Variants in ACOT7 observed in about 807,000 individuals in gnomAD.
ACOT7 encodes acyl-CoA thioesterase 7.
ACOT7 carries 12 observed loss-of-function variants against 40.2 expected under a neutral mutation model. The ratio of observed to expected loss-of-function variants is 0.30; its 90% CI spans 0.19 to 0.48. The LOEUF is 0.48. Ranked by LOEUF, ACOT7 falls within the 20% of genes least tolerant of loss-of-function variation. The pLI, the probability that ACOT7 is intolerant of heterozygous loss-of-function variation, is 0.99. For synonymous variants in ACOT7, 228 were observed against 219.5 expected, an observed-to-expected ratio of 1.04 and a Z score of -0.34; for missense variants, 395 against 530.8, an observed-to-expected ratio of 0.74 and a Z score of 2.51.
intron 3 of ACOT7, among the ~76,000 whole-genome samples, chr1:6,335,808 A>G (rs899907010): frequency 3.3e-5 from 5 of 152,230 alleles, no homozygotes; most frequent in African/African-American, 7.2e-5. Context: ...CTTGGGAACC[A>G]CAGGCAAATA....
At chr1:6,290,156 G>A (rs1387821516) in intron 7 of ACOT7, among the ~76,000 whole-genome samples, 1 of 152,206 alleles carries the variant, frequency 6.6e-6, no homozygotes, top group Non-Finnish European at 1.5e-5. Context: ...AATGTGGGTG[G>A]CCTCAGACGC....
At chr1:6,385,881 T>G in intron 1 of ACOT7, 5 of 1,343,104 alleles carry the variant, frequency 3.7e-6, no homozygotes, top group East Asian at 2.6e-5. Flanking sequence ...GGATGTTCTC[T>G]ACAAAAGACC....
chr1:6,339,739 G>GTTTT lies in ACOT7; in HGVS notation c.262-154_262-151dup, dbSNP rs57275707. The GTTTT allele has an allele frequency of 2.2e-3, 1,146 of 525,578 alleles. 11 individuals are homozygous for GTTTT. Among genetic ancestry groups the GTTTT allele is most frequent in the Middle Eastern group, 4.1e-3 (7 of 1,706 alleles). The allele number at this position is 525,578 out of a possible 1,614,324, so 32.6% of individuals were successfully genotyped here. On this transcript the variant is annotated intron_variant, in intron 2 of 8. Coordinates refer to ENST00000361521, the MANE Select transcript of ACOT7 (RefSeq NM_007274.4). Reference sequence around the variant, plus strand: ...TGTATCACCATTTATTGGCACCGCGGTTTTTTTTTTTTTTTTTTGAGATGG... The same window carrying GTTTT: ...TGTATCACCATTTATTGGCACCGCGGTTTTTTTTTTTTTTTTTTTTTTGAGATGG...
chr1:6,302,589 CAT>C (rs1308573397), intron 6 of ACOT7, among the ~76,000 whole-genome samples: 2 of 152,014 alleles, frequency 1.3e-5, no homozygotes, highest in African/African-American at 2.4e-5. Context: ...TTGAGAAAAA[CAT>C]AGAAAAACCA....
chr1:6,347,180 C>T (rs1373742826), intron 2 of ACOT7, among the ~76,000 whole-genome samples: 2 of 152,148 alleles, frequency 1.3e-5, no homozygotes, highest in Non-Finnish European at 2.9e-5. Context: ...ACTGTTCTCA[C>T]CCCCACGCCC....
At chr1:6,290,525 C>T (rs58640499) in intron 7 of ACOT7, among the ~76,000 whole-genome samples, 11,526 of 152,314 alleles carry the variant, frequency 0.076, 661 homozygotes, top group African/African-American at 0.16. Context: ...GCCCAGTCTA[C>T]CTGCAGGCAC....
rs559529634 is a variant in ACOT7, at chr1:6,329,220, G to A, written c.511-1807C>T. Among the ~76,000 whole-genome samples, 123 of 152,318 alleles carry A rather than the reference G, an allele frequency of 8.1e-4. No individual in the cohort carries two copies. The South Asian group carries it at 0.014, about 18-fold the overall frequency. On this transcript the variant is annotated intron_variant, in intron 4 of 8. Coordinates refer to ENST00000361521, the MANE Select transcript of ACOT7 (RefSeq NM_007274.4). Reference sequence around the variant, plus strand: ...GTGCAGGGTCTCAGCACCATTCACCGTTCCTCGGCGTAACTACCCATCATC... The same window carrying A: ...GTGCAGGGTCTCAGCACCATTCACCATTCCTCGGCGTAACTACCCATCATC...
chr1:6,308,290 G>A (rs1177715788), intron 6 of ACOT7, among the ~76,000 whole-genome samples: 1 of 150,452 alleles, frequency 6.6e-6, no homozygotes, highest in Non-Finnish European at 1.5e-5. Context: ...ACAGCCACAG[G>A]CAGAGGGAAC....
Position 6,294,680 on chromosome 1 carries a change from A to C in ACOT7, c.829+184T>G, listed in dbSNP as rs1317040689. On this transcript the variant is annotated intron_variant, in intron 7 of 8. Coordinates refer to ENST00000361521, the MANE Select transcript of ACOT7 (RefSeq NM_007274.4). The surrounding 1 kb of genome is among the most constrained non-coding windows in gnomAD (Gnocchi z 4.6). ...ATATCTGAGTCAAGGATTTTACCAG[A>C]TTGAAACATCAAGTCAATAAACAGC... Among the ~76,000 whole-genome samples the C allele has an allele frequency of 1.3e-5, 2 of 152,180 alleles. No individual in the cohort carries two copies. The highest frequency in any genetic ancestry group is 2.9e-5 in the Non-Finnish European group (2 of 68,020).
At chr1:6,267,050 G>T (rs185681345) in intron 8 of ACOT7, among the ~76,000 whole-genome samples, 5 of 152,316 alleles carry the variant, frequency 3.3e-5, no homozygotes, top group Admixed American at 6.5e-5. Flanking sequence ...TGGAGTATCT[G>T]CCCTCCACAG....
At chr1:6,353,728 C>T (rs985963065) in intron 1 of ACOT7, among the ~76,000 whole-genome samples, 5 of 152,252 alleles carry the variant, frequency 3.3e-5, no homozygotes, top group South Asian at 4.1e-4. Flanking sequence ...CAGGCCAGCT[C>T]GGGCAACGGC....
At chr1:6,336,723 T>G (rs1025725410) in intron 3 of ACOT7, among the ~76,000 whole-genome samples, 2 of 152,068 alleles carry the variant, frequency 1.3e-5, no homozygotes, top group Non-Finnish European at 2.9e-5. Flanking sequence ...GTGCTCCCCG[T>G]GTGCCCACAG....
rs529467690 is a variant in ACOT7 at position 6,364,380 on chromosome 1, A to G, written c.144-14514T>C. ...AACATGGAAAAACCCCATCTCTACT[A>G]AAAATACAAAATTAGCTGGGCGTGA... On this transcript the variant is annotated intron_variant, in intron 1 of 8. Transcript: ENST00000361521. Among the ~76,000 whole-genome samples, 4 of 151,406 alleles carry G rather than the reference A, an allele frequency of 2.6e-5. No homozygotes were observed. In the South Asian group the frequency reaches 8.4e-4, roughly 32 times the overall value.
chr1:6,307,725 C>T (rs980852037), intron 6 of ACOT7, among the ~76,000 whole-genome samples: 5 of 151,662 alleles, frequency 3.3e-5, no homozygotes, highest in Middle Eastern at 3.5e-3. Flanking sequence ...GAGGGAACCA[C>T]GACCAGGCGG....
chr1:6,318,244 AG>A (rs1388906293), intron 6 of ACOT7, among the ~76,000 whole-genome samples: 14 of 150,610 alleles, frequency 9.3e-5, no homozygotes, highest in African/African-American at 3.2e-4. Flanking sequence ...TTGTAGAGAC[AG>A]GGGTCTCCCT....
chr1:6,305,379 A>AC (rs572217245), intron 6 of ACOT7, among the ~76,000 whole-genome samples: 2,419 of 116,560 alleles, frequency 0.021, 78 homozygotes, highest in African/African-American at 0.078. Flanking sequence ...CGGGGGGCTG[A>AC]CCCCCCCACC....
At chr1:6,291,523 G>C (rs984740436) in intron 7 of ACOT7, among the ~76,000 whole-genome samples, 1 of 152,188 alleles carries the variant, frequency 6.6e-6, no homozygotes, top group African/African-American at 2.4e-5. Context: ...GTTGTTCTGA[G>C]CCCACCAGAA....
intron 3 of ACOT7, among the ~76,000 whole-genome samples, chr1:6,339,139 G>A (rs1641190539): frequency 1.3e-5 from 2 of 152,068 alleles, no homozygotes; most frequent in Admixed American, 6.5e-5. Flanking sequence ...CCATGGATGA[G>A]CTGGCCACGG....
chr1:6,275,122 G>A lies in ACOT7; in HGVS notation c.1014+5980C>T, dbSNP rs1639151432. Among the ~76,000 whole-genome samples, 1 of 152,206 alleles carries A rather than the reference G, an allele frequency of 6.6e-6. No homozygotes were observed. The highest frequency in any genetic ancestry group is 1.5e-5 in the Non-Finnish European group (1 of 68,032). On this transcript the variant is annotated intron_variant, in intron 8 of 8. Coordinates refer to ENST00000361521, the MANE Select transcript of ACOT7 (RefSeq NM_007274.4). This position sits in a 1 kb window ranked among gnomAD's most constrained non-coding sequence, Gnocchi z 5.6. ...CGCAGAGGGGTTGGCGTTCCCTGAA[G>A]CCTCCGGCTTCAATGACCTGTACCC...
Sources: gnomAD v4.1 joint callset for allele counts (sites outside exome capture counted in the v4.1 genomes callset) on GRCh38, gnomAD v4.1.1 for gene constraint, Gnocchi (gnomAD v3.1) non-coding constraint, MANE v1.5 for transcripts, NCBI Gene and HGNC (gene_info 2026-07-23, HGNC 2026-07-21) for gene names.